The following MTFR1 variants were observed in gnomAD, a reference collection of about 807,000 sequenced individuals.
MTFR1 encodes the protein chondrocyte protein with a poly-proline region.
A neutral mutation model predicts 38.8 loss-of-function variants in MTFR1; 28 were observed. That is an observed-to-expected ratio of 0.72 (90% confidence interval 0.53 to 0.99). MTFR1 has a LOEUF of 0.99. Ranked by LOEUF, MTFR1 falls within the 50% of genes least tolerant of loss-of-function variation. The pLI is 0.00. For missense variants in MTFR1, 358 were observed against 395.5 expected (o/e 0.91, Z 0.81); for synonymous variants, 145 against 137.0 (o/e 1.06, Z -0.41).
chr8:65,700,512 A>T (rs1237014712), intron 4 of MTFR1, among the ~76,000 whole-genome samples: 1 of 152,144 alleles, frequency 6.6e-6, no homozygotes, highest in Non-Finnish European at 1.5e-5. Flanking sequence ...TCTTTTCTGT[A>T]CACATTTTCA....
rs147903399 is a variant in MTFR1, at chr8:65,693,924, A to G, written c.281+165A>G. Among the ~76,000 whole-genome samples, 689 of 151,082 alleles carry G rather than the reference A, an allele frequency of 4.6e-3. 4 individuals carry two copies. Among genetic ancestry groups the G allele is most frequent in the African/African-American group, 0.016 (661 of 41,108 alleles). ...CTGTTTATTTTCCTTTTTTTCTGAGATTGGGTCTTGTTCTGTTTTTCAGGC... is the reference window on the plus strand; with the variant it reads ...CTGTTTATTTTCCTTTTTTTCTGAGGTTGGGTCTTGTTCTGTTTTTCAGGC... On this transcript the variant is annotated intron_variant, in intron 4 of 7. Transcript: ENST00000262146.
chr8:65,715,662 G>A (rs554442966), intron 2 of MTFR1, among the ~76,000 whole-genome samples: 1 of 144,114 alleles, frequency 6.9e-6, no homozygotes, highest in East Asian at 2.5e-4. Flanking sequence ...ACAGGTGTGA[G>A]CCACCATGCC....
At chr8:65,736,891 T>C (rs1251788412) in intron 3 of MTFR1, among the ~76,000 whole-genome samples, 3 of 149,994 alleles carry the variant, frequency 2.0e-5, no homozygotes, top group Non-Finnish European at 4.5e-5. Flanking sequence ...ATTGAGGCTT[T>C]TTTTTTTTTG....
At chr8:65,671,139 C>T (rs932110976) in intron 2 of MTFR1, among the ~76,000 whole-genome samples, 3 of 152,110 alleles carry the variant, frequency 2.0e-5, no homozygotes, top group South Asian at 4.1e-4. Context: ...TTTATAGCTG[C>T]ATAATTTTGA....
chr8:65,644,388 C>G (rs937407317), upstream of MTFR1, among the ~76,000 whole-genome samples: 12 of 152,198 alleles, frequency 7.9e-5, no homozygotes, highest in African/African-American at 2.9e-4. Flanking sequence ...GTTAGGTTAA[C>G]AAAAGCTTAC....
chr8:65,740,167 T>C (rs370969146), intron 3 of MTFR1, among the ~76,000 whole-genome samples: 2 of 137,154 alleles, frequency 1.5e-5, no homozygotes, highest in Non-Finnish European at 3.2e-5. Context: ...TGAGAGTTGC[T>C]TGGGGGGGTG....
upstream of MTFR1, among the ~76,000 whole-genome samples, chr8:65,644,196 C>A (rs771273777): frequency 6.6e-6 from 1 of 152,182 alleles, no homozygotes; most frequent in Non-Finnish European, 1.5e-5. Flanking sequence ...CCAAATGAAT[C>A]GGACTGAACA....
chr8:65,649,838 G>GT (rs1809069785), intron 1 of MTFR1, among the ~76,000 whole-genome samples: 2 of 150,574 alleles, frequency 1.3e-5, no homozygotes, highest in South Asian at 2.1e-4. Context: ...ATCCTTTTGG[G>GT]TTTTTTTGTT....
chr8:65,685,977 GA>G (rs1407904777), intron 3 of MTFR1, among the ~76,000 whole-genome samples: 1 of 151,966 alleles, frequency 6.6e-6, no homozygotes, highest in African/African-American at 2.4e-5. Context: ...AGGCCAGATA[GA>G]AATTGAGGAA....
At chr8:65,755,026 T>G (rs538785732) in intron 3 of MTFR1, among the ~76,000 whole-genome samples, 2 of 101,424 alleles carry the variant, frequency 2.0e-5, no homozygotes, top group Non-Finnish European at 4.1e-5. Flanking sequence ...TTTCACTTAT[T>G]TTTTTTTTTT....
chr8:65,719,100 A>G (rs1410099626), intron 2 of MTFR1: 7 of 590,862 alleles, frequency 1.2e-5, no homozygotes, highest in Non-Finnish European at 2.1e-5. Context: ...ATATTGCTGT[A>G]TGTTCGGGTC....
intron 3 of MTFR1, chr8:65,727,849 G>A (rs1051743789): frequency 2.6e-5 from 4 of 152,150 alleles, no homozygotes; most frequent in South Asian, 4.1e-4. Context: ...CTCCCCTAAC[G>A]GATGGCTACA....
At chr8:65,677,197 G>A (rs1804734632) in intron 2 of MTFR1, among the ~76,000 whole-genome samples, 1 of 149,458 alleles carries the variant, frequency 6.7e-6, no homozygotes, top group East Asian at 2.0e-4. Context: ...AGCCTCCTGA[G>A]TAGCTGGGAC....
intron 4 of MTFR1, among the ~76,000 whole-genome samples, chr8:65,694,917 A>G (rs1012155137): frequency 1.3e-5 from 2 of 152,252 alleles, no homozygotes; most frequent in Non-Finnish European, 2.9e-5. Flanking sequence ...AGATGGCTCA[A>G]TGAGACTAGA....
chr8:65,754,644 C>T (rs1405333075), intron 3 of MTFR1, among the ~76,000 whole-genome samples: 3 of 147,446 alleles, frequency 2.0e-5, no homozygotes, highest in Non-Finnish European at 4.5e-5. Context: ...CGTTATTTGT[C>T]TTCTATATGC....
At chr8:65,676,299 G>A (rs1804705945) in intron 2 of MTFR1, among the ~76,000 whole-genome samples, 1 of 152,162 alleles carries the variant, frequency 6.6e-6, no homozygotes, top group South Asian at 2.1e-4. Flanking sequence ...TGTAATTTTA[G>A]GGATACATGA....
intron 4 of MTFR1, among the ~76,000 whole-genome samples, chr8:65,702,731 G>A (rs1805652619): frequency 1.3e-5 from 2 of 152,112 alleles, no homozygotes; most frequent in Admixed American, 1.3e-4. Flanking sequence ...ATTTAAAACT[G>A]TGTCAGATTT....
rs772650797 is a variant in MTFR1 at position 65,704,888 on chromosome 8, C to T, written c.476C>T (p.Ala159Val). 3.7e-6 allele frequency: 6 copies of T among 1,608,350 alleles called. No individual in the cohort carries two copies. Among genetic ancestry groups the T allele is most frequent in the Non-Finnish European group, 4.2e-6 (5 of 1,176,694 alleles). The stretch of plus-strand genomic sequence containing the variant: ...CTTGCTGCTCTCAGAGCTCAGATTG[C>T]CAAAATTGTGACCCAGCAGGAGCAG... Reference protein sequence around the residue: ...NELAALRAQIAKIVTQQEQQN... With the variant: ...NELAALRAQIVKIVTQQEQQN... The change falls in exon 5 of 8, where the codon GCC becomes GTC. Residue 159 changes from alanine to valine, a missense_variant. Physicochemically the swap from Ala to Val is moderately conservative, Grantham distance 64. Transcript: ENST00000262146.
intron 3 of MTFR1, among the ~76,000 whole-genome samples, chr8:65,762,567 T>C (rs1302907648): frequency 6.6e-6 from 1 of 152,198 alleles, no homozygotes; most frequent in Non-Finnish European, 1.5e-5. Flanking sequence ...GTTCTTCATC[T>C]GTAAAATAGG....
Sources: gnomAD v4.1 joint callset for allele counts (sites outside exome capture counted in the v4.1 genomes callset) on GRCh38, gnomAD v4.1.1 for gene constraint, MANE v1.5 for transcripts, NCBI Gene and HGNC (gene_info 2026-07-23, HGNC 2026-07-21) for gene names.